CD99L2: variants seen among roughly 807,000 people sequenced by gnomAD.
The protein encoded by CD99L2 is CD99 molecule like 2.
In CD99L2, 24 loss-of-function variants were observed where a neutral mutation model predicts 27.3. The ratio of observed to expected loss-of-function variants is 0.88; its 90% CI spans 0.64 to 1.24. The LOEUF (loss-of-function observed/expected upper bound fraction) is 1.24. Ranked by LOEUF, CD99L2 falls within the 50% of genes most tolerant of loss-of-function variation. The probability of loss-of-function intolerance (pLI) is 0.00; values close to 1 mark genes in which losing one functional copy is unlikely to be tolerated. For missense variants in CD99L2, 255 were observed against 221.6 expected, an observed-to-expected ratio of 1.15 and a Z score of -0.96; for synonymous variants, 97 against 87.9, an observed-to-expected ratio of 1.10 and a Z score of -0.58.
intron 4 of CD99L2, among the ~76,000 whole-genome samples, chrX:150,802,442 T>C (rs2045922139): frequency 9.2e-6 from 1 of 108,284 alleles, no homozygotes; most frequent in African/African-American, 3.3e-5. Flanking sequence ...TATGTGCCTG[T>C]AGTCCCAGCT....
intron 1 of CD99L2, among the ~76,000 whole-genome samples, chrX:150,897,145 A>G (rs1214949002): frequency 8.9e-6 from 1 of 112,878 alleles, no homozygotes; most frequent in Non-Finnish European, 1.9e-5. Flanking sequence ...TGCATTGTAA[A>G]CAAAATAAAA....
intron 6 of CD99L2, 67 bp from the exon 7 acceptor site, chrX:150,793,823 A>C: frequency 1.1e-6 from 1 of 900,525 alleles, no homozygotes; most frequent in Non-Finnish European, 1.5e-6. Flanking sequence ...ACTTGTGCTA[A>C]TGTTGCCCAA....
chrX:150,847,261 T>C (rs1380132030), intron 1 of CD99L2, among the ~76,000 whole-genome samples: 2 of 112,277 alleles, frequency 1.8e-5, no homozygotes, highest in East Asian at 5.6e-4. Flanking sequence ...TCTTAACTAC[T>C]GTTGTGTTGT....
chrX:150,791,035 C>G (rs2045679157), intron 7 of CD99L2, among the ~76,000 whole-genome samples: 1 of 110,931 alleles, frequency 9.0e-6, no homozygotes, highest in African/African-American at 3.3e-5. Context: ...ACTCTGTCCT[C>G]TCCACCAATC....
chrX:150,868,013 C>T (rs1421007476), intron 1 of CD99L2, among the ~76,000 whole-genome samples: 5 of 99,827 alleles, frequency 5.0e-5, no homozygotes, highest in Admixed American at 2.2e-4. Flanking sequence ...GCCAGGGAGG[C>T]GGAGCTTGCA....
chrX:150,849,357 G>A (rs899336681), intron 1 of CD99L2, among the ~76,000 whole-genome samples: 5 of 110,241 alleles, frequency 4.5e-5, no homozygotes, highest in Non-Finnish European at 7.6e-5. Context: ...TTTGAGACCA[G>A]CCTGAGCAAC....
intron 1 of CD99L2, among the ~76,000 whole-genome samples, chrX:150,887,223 A>G (rs1212709457): frequency 9.2e-6 from 1 of 109,205 alleles, no homozygotes; most frequent in Non-Finnish European, 1.9e-5. Context: ...AGGTGGGTGG[A>G]TCAACTGAGG....
intron 1 of CD99L2, among the ~76,000 whole-genome samples, chrX:150,873,382 T>C (rs2047185101): frequency 9.0e-6 from 1 of 111,495 alleles, no homozygotes; most frequent in Admixed American, 9.5e-5. Context: ...AGACTAGAAG[T>C]AAATTCGTGG....
At chrX:150,810,171 C>A (rs370591315) in intron 4 of CD99L2, among the ~76,000 whole-genome samples, 2 of 111,916 alleles carry the variant, frequency 1.8e-5, no homozygotes, top group African/African-American at 6.5e-5. Context: ...CGCTCAAAGG[C>A]ACTGGGAACA....
chrX:150,769,720 T>C (rs2043397656), intron 10 of CD99L2, among the ~76,000 whole-genome samples: 1 of 106,320 alleles, frequency 9.4e-6, no homozygotes, highest in African/African-American at 3.3e-5. Flanking sequence ...CAGCAAGCCT[T>C]TCCGGACCTC....
intron 2 of CD99L2, among the ~76,000 whole-genome samples, chrX:150,824,004 AGAGGAGGAGGAGGAAGAGGAAGAG>A (rs2124205685): frequency 9.8e-6 from 1 of 102,418 alleles, no homozygotes; most frequent in South Asian, 4.9e-4. Context: ...AAGAAGAAGA[AGAGGAGGAGGAGGAAGAGGAAGAG>A]GAGGAGGAGG....
intron 4 of CD99L2, among the ~76,000 whole-genome samples, chrX:150,806,019 G>A: frequency 9.0e-6 from 1 of 111,500 alleles, no homozygotes; most frequent in Non-Finnish European, 1.9e-5. Context: ...CTGCATAGAA[G>A]TAAACACACA....
At chrX:150,796,428 G>A (rs1557419910) in intron 4 of CD99L2, among the ~76,000 whole-genome samples, 1 of 112,415 alleles carries the variant, frequency 8.9e-6, no homozygotes, top group Admixed American at 9.4e-5. Flanking sequence ...AATGATAAAA[G>A]GATCAATCCA....
At chrX:150,796,517 G>A (rs1436696633) in intron 4 of CD99L2, among the ~76,000 whole-genome samples, 1 of 112,345 alleles carries the variant, frequency 8.9e-6, no homozygotes, top group African/African-American at 3.2e-5. Context: ...ACCTGATAGA[G>A]CTAAAAGGAG....
Position 150,770,366 on chromosome X carries a change from C to A in CD99L2, c.659G>T (p.Gly220Val). ...TCCCTTCACGTAGTCTGCGTTGAGA[C>A]CCTCTGCAAAGGGAAAAGGGCAGAG... ...QKKFCFSIQQ[G>V]LNADYVKGEN... is the part of the protein sequence containing the mutation. Residue 220 changes from glycine to valine, a missense_variant, in exon 10 of 11, where the codon GGT (glycine) becomes GTT (valine). Transcript: ENST00000370377. 8.3e-7 allele frequency: 1 copy of A among 1,211,268 alleles called. No homozygotes were observed. The highest frequency in any genetic ancestry group is 1.1e-6 in the Non-Finnish European group (1 of 894,965).
chrX:150,882,038 G>A (rs1450472874), intron 1 of CD99L2, among the ~76,000 whole-genome samples: 1 of 110,298 alleles, frequency 9.1e-6, no homozygotes, highest in Non-Finnish European at 1.9e-5. Context: ...GGATGGTCTC[G>A]ATCTCTTGAC....
intron 9 of CD99L2, among the ~76,000 whole-genome samples, chrX:150,771,007 G>T (rs1391158905): frequency 8.9e-6 from 1 of 112,487 alleles, no homozygotes. Context: ...GGGATTCGGG[G>T]ACTGTACCAA....
intron 1 of CD99L2, among the ~76,000 whole-genome samples, chrX:150,837,710 G>A (rs909367653): frequency 1.8e-5 from 2 of 112,101 alleles, no homozygotes; most frequent in African/African-American, 3.2e-5. Context: ...GTAGTATTGG[G>A]TTATAACCCC....
chrX:150,824,341 A>AAAGAAGG lies in CD99L2; in HGVS notation c.130+6883_130+6889dup, dbSNP rs782283617. 7.5e-5 allele frequency among the ~76,000 whole-genome samples: 7 copies of AAAGAAGG among 92,746 alleles called. No homozygotes were observed. In the East Asian group the frequency reaches 9.8e-4, roughly 13 times the overall value. 80.5% of individuals were successfully genotyped at this position (92,746 alleles called of 115,157 possible). The stretch of plus-strand genomic sequence containing the variant: ...GGAGGAGGAGGAGAAGAAGAAGAAG[A>AAAGAAGG]AAGAAGGAAGAAGGAAGAAGGAAGA... On this transcript the variant is annotated intron_variant, in intron 2 of 10. Transcript: ENST00000370377.
Sources: allele counts gnomAD v4.1 joint callset (sites outside exome capture counted in the v4.1 genomes callset), GRCh38; gene constraint gnomAD v4.1.1; transcripts MANE v1.5; gene names NCBI Gene and HGNC (gene_info 2026-07-23, HGNC 2026-07-21).